The following PPP2R3B variants were observed in gnomAD, a reference collection of about 807,000 sequenced individuals.
The protein encoded by PPP2R3B is serine/threonine-protein phosphatase 2A regulatory subunit B'' subunit beta.
In PPP2R3B, 68 loss-of-function variants were observed where a neutral mutation model predicts 72.9. That is an observed-to-expected ratio of 0.93 (90% CI 0.77 to 1.14). The LOEUF (loss-of-function observed/expected upper bound fraction) is 1.14, where lower values mean the gene tolerates loss of function less well. PPP2R3B is among the 50% of genes most tolerant of loss of function. The pLI, the probability that PPP2R3B is intolerant of heterozygous loss-of-function variation, is 0.00. For missense variants in PPP2R3B, 1,018 were observed against 842.0 expected (o/e 1.21, Z -2.59); for synonymous variants, 466 against 375.8 (o/e 1.24, Z -2.78).
At chrX:351,914 G>A (rs1202282622) in intron 2 of PPP2R3B, among the ~76,000 whole-genome samples, 1 of 152,096 alleles carries the variant, frequency 6.6e-6, no homozygotes, top group African/African-American at 2.4e-5. Context: ...AGGCTGGTCT[G>A]GAACCCTTGG....
intron 1 of PPP2R3B, among the ~76,000 whole-genome samples, chrX:385,329 T>C (rs1178620368): frequency 1.6e-5 from 2 of 127,158 alleles, no homozygotes; most frequent in Non-Finnish European, 3.2e-5. Flanking sequence ...TCTTTTTTTT[T>C]TTTTTTTTTT....
chrX:379,877 T>C (rs1048663692), intron 1 of PPP2R3B, among the ~76,000 whole-genome samples: 4 of 152,194 alleles, frequency 2.6e-5, no homozygotes, highest in Non-Finnish European at 4.4e-5. Context: ...CTTTCAAAAT[T>C]TGCTAGAAAG....
In PPP2R3B at chrX:334,278, C is replaced by T. The variant is rs2070823569; in HGVS notation, c.*89G>A. 7.5e-7 allele frequency: 1 copy of T among 1,339,518 alleles called. No individual in the cohort carries two copies. The highest frequency in any genetic ancestry group is 1.6e-5 in the African/African-American group (1 of 64,308). The allele number at this position is 1,339,518 out of a possible 1,614,324, so 83.0% of individuals were successfully genotyped here. ...GTTTATCATTCCGTACAAACGCACTCATTTTCCACAACAGTTTTTACACGA... is the reference window on the plus strand; with the variant it reads ...GTTTATCATTCCGTACAAACGCACTTATTTTCCACAACAGTTTTTACACGA... On this transcript the variant is annotated 3_prime_UTR_variant, in exon 13 of 13. Coordinates refer to ENST00000390665, the MANE Select transcript of PPP2R3B (RefSeq NM_013239.5).
chrX:374,018 G>A (rs895812043), intron 1 of PPP2R3B: 4 of 152,556 alleles, frequency 2.6e-5, no homozygotes, highest in Non-Finnish European at 5.9e-5. Context: ...GGGCAAGGGG[G>A]CGCTTTCTGC....
chrX:350,923 C>G (rs1490286582), intron 2 of PPP2R3B, among the ~76,000 whole-genome samples: 2 of 152,110 alleles, frequency 1.3e-5, no homozygotes, highest in African/African-American at 4.8e-5. Context: ...CACGGTGCCC[C>G]AGGCGAGAGG....
At position 386,878 on chromosome X, in the gene PPP2R3B, G is replaced by A. The variant is rs1399660299; in HGVS notation, c.-187C>T. On this transcript the variant is annotated 5_prime_UTR_variant, in exon 1 of 13. Coordinates refer to ENST00000390665, the MANE Select transcript of PPP2R3B (RefSeq NM_013239.5). ...GGCGCGGGGACCGAGGAGGGGGCGC[G>A]GTCCGGCCCGCGCTGCTCAGGGCAG... The A allele has an allele frequency of 9.8e-6, 2 of 203,242 alleles. No individual in the cohort carries two copies. Among genetic ancestry groups the A allele is most frequent in the Admixed American group, 6.0e-5 (1 of 16,712 alleles). The allele number at this position is 203,242 out of a possible 1,614,324, so 12.6% of individuals were successfully genotyped here.
intron 2 of PPP2R3B, among the ~76,000 whole-genome samples, chrX:356,285 G>A (rs1018957593): frequency 1.6e-4 from 24 of 152,168 alleles, no homozygotes; most frequent in Non-Finnish European, 3.1e-4. Context: ...GTGCGATCTT[G>A]GCTCACTGCA....
At chrX:346,094 GGGAGGAGGGAAGGGAAGGGAGTGGAGGT>G in intron 6 of PPP2R3B, 52 bp downstream of exon 6, 1 of 635,478 alleles carries the variant, frequency 1.6e-6, no homozygotes, top group Non-Finnish European at 2.5e-6. Flanking sequence ...GGAGGGAGGG[GGGAGGAGGGAAGGGAAGGGAGTGGAGGT>G]AGGAGGGGTA....
rs1420833361 is a variant in PPP2R3B, at chrX:361,434, T to C, written c.481A>G (p.Thr161Ala). The change falls in exon 2 of 13, where the codon ACC (threonine) becomes GCC (alanine). Residue 161 changes from threonine (T) to alanine (A), a missense_variant. By Grantham distance (58) the Thr-to-Ala change is moderately conservative. Coordinates refer to ENST00000390665, the MANE Select transcript of PPP2R3B (RefSeq NM_013239.5). Reference protein sequence around the residue: ...TFARFPHERATMDDMGLVAKA... With the variant: ...TFARFPHERAAMDDMGLVAKA... ...GCCACCAGGCCCATGTCATCCATGG[T>C]GGCCCTCTCGTGGGGGAACCGGGCG... 2.5e-6 allele frequency: 4 copies of C among 1,613,984 alleles called. No homozygotes were observed. In the Admixed American group the frequency reaches 5.0e-5, roughly 20 times the overall value.
chrX:368,571 C>T (rs1451652384), intron 1 of PPP2R3B, among the ~76,000 whole-genome samples: 11 of 117,398 alleles, frequency 9.4e-5, no homozygotes, highest in South Asian at 3.0e-4. Context: ...GGGGGAAGGC[C>T]GGGACCACCC....
intron 2 of PPP2R3B, 147 bp from the exon 3 acceptor site, chrX:347,840 C>G (rs182301778): frequency 1.7e-6 from 1 of 601,124 alleles, no homozygotes. Flanking sequence ...TGGGCATCTG[C>G]AAACTCAACG....
At chrX:351,544 T>C (rs1356491642) in intron 2 of PPP2R3B, among the ~76,000 whole-genome samples, 1 of 148,464 alleles carries the variant, frequency 6.7e-6, no homozygotes, top group Non-Finnish European at 1.5e-5. Context: ...TCCATTTTTA[T>C]TCTACTTGTT....
intron 1 of PPP2R3B, among the ~76,000 whole-genome samples, chrX:381,720 T>TA (rs1314647225): frequency 6.7e-6 from 1 of 148,308 alleles, no homozygotes; most frequent in Admixed American, 6.9e-5. Flanking sequence ...TGCCTCAGCC[T>TA]CCGGAGTAGC....
chrX:364,654 G>A (rs1464381686), intron 1 of PPP2R3B, among the ~76,000 whole-genome samples: 7 of 135,360 alleles, frequency 5.2e-5, no homozygotes, highest in South Asian at 4.9e-4. Flanking sequence ...GGAGGCGGAG[G>A]TTGCAGTGAG....
rs867163951 is a variant in PPP2R3B at position 376,551 on chromosome X, G to A, written c.324+9817C>T. 3.0e-3 allele frequency among the ~76,000 whole-genome samples: 321 copies of A among 105,858 alleles called. 3 individuals carry two copies. Among genetic ancestry groups the A allele is most frequent in the African/African-American group, 8.9e-3 (217 of 24,514 alleles). The allele number at this position is 105,858 out of a possible 152,430, so 69.4% of individuals were successfully genotyped here. ...CGGGCCGTCCACACCCAGTGGGGCC[G>A]CCATGGGGCTGTCTATACACTACTG... is the stretch of plus-strand genomic sequence containing the variant. On this transcript the variant is annotated intron_variant, in intron 1 of 12. Coordinates refer to ENST00000390665, the MANE Select transcript of PPP2R3B (RefSeq NM_013239.5).
intron 7 of PPP2R3B, 65 bp from the exon 8 acceptor site, chrX:341,996 G>C: frequency 6.3e-7 from 1 of 1,593,552 alleles, no homozygotes; most frequent in Non-Finnish European, 8.6e-7. Context: ...ACCACCCCCC[G>C]GAGCCGAGAC....
At chrX:344,240 CGGAGTGAGACCTCACCAAGGAGAGGCG>C (rs2071145867) in intron 7 of PPP2R3B, among the ~76,000 whole-genome samples, 5 of 22,940 alleles carry the variant, frequency 2.2e-4, no homozygotes, top group Non-Finnish European at 4.4e-4. Flanking sequence ...AACGGGAGGC[CGGAGTGAGACCTCACCAAGGAGAGGCG>C]GGAGTGAGAC....
chrX:385,488 A>T (rs1276392470), intron 1 of PPP2R3B, among the ~76,000 whole-genome samples: 2 of 151,710 alleles, frequency 1.3e-5, no homozygotes, highest in African/African-American at 4.8e-5. Flanking sequence ...TGCGGTGTAT[A>T]ATCACCTTCT....
At chrX:356,774 C>T (rs2071441290) in intron 2 of PPP2R3B, among the ~76,000 whole-genome samples, 1 of 119,996 alleles carries the variant, frequency 8.3e-6, no homozygotes, top group Non-Finnish European at 1.8e-5. Flanking sequence ...CCCATACGGC[C>T]AGGGACACAT....
Sources: allele counts gnomAD v4.1 joint callset (sites outside exome capture counted in the v4.1 genomes callset), GRCh38; gene constraint gnomAD v4.1.1; transcripts MANE v1.5; gene names NCBI Gene and HGNC (gene_info 2026-07-23, HGNC 2026-07-21).